EPHA7: variants seen among roughly 807,000 people sequenced by gnomAD.
EPHA7 encodes EPH receptor A7, also known as ephrin type-A receptor 7.
Under a neutral mutation model 112.6 loss-of-function variants are expected in EPHA7, and 25 were observed. That is an observed-to-expected ratio of 0.22 (90% CI 0.16 to 0.31). The LOEUF (loss-of-function observed/expected upper bound fraction) is 0.31. Among genes scored for constraint, EPHA7 ranks in the 10% least tolerant of loss-of-function variants. The pLI, the probability that EPHA7 is intolerant of heterozygous loss-of-function variation, is 1.00. For missense variants in EPHA7, 962 were observed against 1,212.6 expected (o/e 0.79, Z 3.07); for synonymous variants, 437 against 406.5 (o/e 1.07, Z -0.90).
At chr6:93,251,523 A>G (rs111257700) in intron 14 of EPHA7, among the ~76,000 whole-genome samples, 2 of 145,674 alleles carry the variant, frequency 1.4e-5, no homozygotes, top group African/African-American at 5.0e-5. Flanking sequence ...TTAGGATACT[A>G]ATTTACTATA....
intron 5 of EPHA7, among the ~76,000 whole-genome samples, chr6:93,301,224 T>G (rs957580406): frequency 6.6e-6 from 1 of 152,142 alleles, no homozygotes; most frequent in Non-Finnish European, 1.5e-5. Context: ...TTAAGTTTCT[T>G]TTTTTTAAAA....
At chr6:93,309,549 C>T (rs190806559) in intron 5 of EPHA7, among the ~76,000 whole-genome samples, 15 of 152,042 alleles carry the variant, frequency 9.9e-5, no homozygotes, top group Admixed American at 2.0e-4. Context: ...CAAAAAGTAT[C>T]TGTTGCCCAA....
At chr6:93,336,595 G>T (rs1273117135) in intron 5 of EPHA7, among the ~76,000 whole-genome samples, 3 of 152,016 alleles carry the variant, frequency 2.0e-5, no homozygotes, top group Non-Finnish European at 4.4e-5. Flanking sequence ...TAGAGACGGG[G>T]TTTCACTGTG....
intron 14 of EPHA7, among the ~76,000 whole-genome samples, chr6:93,253,189 C>A (rs1582393618): frequency 1.3e-5 from 2 of 152,064 alleles, no homozygotes; most frequent in African/African-American, 4.8e-5. Context: ...CAAATTTTGA[C>A]AGTCCATGAA....
intron 3 of EPHA7, among the ~76,000 whole-genome samples, chr6:93,389,375 G>C (rs922783763): frequency 6.6e-6 from 1 of 152,020 alleles, no homozygotes; most frequent in Non-Finnish European, 1.5e-5. Flanking sequence ...AGGAGACAAA[G>C]GTCTTGAGAG....
chr6:93,410,234 C>A lies in EPHA7; in HGVS notation c.832+267G>T, dbSNP rs1341347143. 3.6e-5 allele frequency: 14 copies of A among 384,342 alleles called. No individual in the cohort carries two copies. The highest frequency in any genetic ancestry group is 5.2e-5 in the Non-Finnish European group (11 of 211,344). The allele number at this position is 384,342 out of a possible 1,614,324, so 23.8% of individuals were successfully genotyped here. A position where few individuals can be genotyped will look rare whatever the true frequency, so the allele number is the denominator to read the frequency against. Reference sequence around the variant, plus strand: ...CTCCTCTCTAAACTCCATAGCCCAACGTGCAACTATTGACTTCCATGTTAA... The same window carrying A: ...CTCCTCTCTAAACTCCATAGCCCAAAGTGCAACTATTGACTTCCATGTTAA... On this transcript the variant is annotated intron_variant, in intron 3 of 16. Coordinates refer to ENST00000369303, the MANE Select transcript of EPHA7 (RefSeq NM_004440.4). This position sits in a 1 kb window ranked among gnomAD's most constrained non-coding sequence, Gnocchi z 4.0.
intron 5 of EPHA7, among the ~76,000 whole-genome samples, chr6:93,328,462 A>G (rs968252342): frequency 6.6e-6 from 1 of 151,490 alleles, no homozygotes; most frequent in Non-Finnish European, 1.5e-5. Flanking sequence ...GAGAGTTTTA[A>G]GGGAAAACAT....
chr6:93,325,853 C>G (rs1263736900), intron 5 of EPHA7, among the ~76,000 whole-genome samples: 1 of 151,272 alleles, frequency 6.6e-6, no homozygotes, highest in African/African-American at 2.4e-5. Context: ...TTAATTCAAA[C>G]ATTTGCCAAG....
At chr6:93,359,874 G>GAGAC (rs1462833873) in intron 3 of EPHA7, among the ~76,000 whole-genome samples, 1 of 127,850 alleles carries the variant, frequency 7.8e-6, no homozygotes. Context: ...GAGAGAGAGA[G>GAGAC]AGATAGATAG....
At chr6:93,377,051 T>C (rs1005545413) in intron 3 of EPHA7, among the ~76,000 whole-genome samples, 9 of 152,326 alleles carry the variant, frequency 5.9e-5, no homozygotes, top group African/African-American at 1.9e-4. Flanking sequence ...TTCTTATCTA[T>C]GGAATATAAT....
At chr6:93,290,152 G>A (rs1582457467) in intron 5 of EPHA7, among the ~76,000 whole-genome samples, 1 of 151,674 alleles carries the variant, frequency 6.6e-6, no homozygotes, top group Non-Finnish European at 1.5e-5. Flanking sequence ...AATGATTTTT[G>A]TATAAAAAGT....
chr6:93,259,325 G>A (rs1770583822), intron 10 of EPHA7, 29 bp downstream of exon 10: 6 of 1,608,992 alleles, frequency 3.7e-6, no homozygotes, highest in Non-Finnish European at 5.1e-6. Flanking sequence ...AAATGGAACA[G>A]CTGAACGAGG....
At chr6:93,374,859 A>G (rs1262529097) in intron 3 of EPHA7, among the ~76,000 whole-genome samples, 4 of 152,232 alleles carry the variant, frequency 2.6e-5, no homozygotes, top group Non-Finnish European at 5.9e-5. Flanking sequence ...GGCACACAGT[A>G]AGTAATTTAC....
intron 5 of EPHA7, among the ~76,000 whole-genome samples, chr6:93,319,609 A>G (rs1300899441): frequency 6.6e-6 from 1 of 152,146 alleles, no homozygotes; most frequent in Non-Finnish European, 1.5e-5. Flanking sequence ...AAAATGGTCT[A>G]TGCTTTAAAA....
At chr6:93,411,804 T>C (rs1190018771) in intron 2 of EPHA7, among the ~76,000 whole-genome samples, 1 of 152,126 alleles carries the variant, frequency 6.6e-6, no homozygotes, top group Non-Finnish European at 1.5e-5. Context: ...TAAGTAGTTA[T>C]AAGAGTATGA....
chr6:93,323,060 T>C (rs765150766), intron 5 of EPHA7, among the ~76,000 whole-genome samples: 9 of 151,684 alleles, frequency 5.9e-5, no homozygotes, highest in Non-Finnish European at 1.2e-4. Context: ...TTTTTGGTTT[T>C]GCTCAATTGC....
chr6:93,412,189 G>T (rs1017347848), intron 2 of EPHA7, among the ~76,000 whole-genome samples: 1 of 151,938 alleles, frequency 6.6e-6, no homozygotes, highest in African/African-American at 2.4e-5. Context: ...TAATGAAATT[G>T]TCATGTTAAT....
intron 5 of EPHA7, among the ~76,000 whole-genome samples, chr6:93,302,566 A>T (rs1773042827): frequency 6.6e-6 from 1 of 152,208 alleles, no homozygotes; most frequent in African/African-American, 2.4e-5. Context: ...TAATTCTCTG[A>T]GATGTAGACT....
At chr6:93,273,393 G>C (rs1771323443) in intron 5 of EPHA7, among the ~76,000 whole-genome samples, 1 of 151,902 alleles carries the variant, frequency 6.6e-6, no homozygotes, top group African/African-American at 2.4e-5. Context: ...TCAGATGTCT[G>C]AAACTGTTAA....
Sources: gnomAD v4.1 joint callset for allele counts (sites outside exome capture counted in the v4.1 genomes callset) on GRCh38, gnomAD v4.1.1 for gene constraint, Gnocchi (gnomAD v3.1) non-coding constraint, MANE v1.5 for transcripts, NCBI Gene and HGNC (gene_info 2026-07-23, HGNC 2026-07-21) for gene names.